Variants in DHX37 observed in about 807,000 individuals in gnomAD.
The protein encoded by DHX37 is DEAH-box helicase 37, also known as probable ATP-dependent RNA helicase DHX37.
Under a neutral mutation model 134.3 loss-of-function variants are expected in DHX37, and 52 were observed. The observed-to-expected ratio is 0.39, with a 90% CI of 0.31 to 0.49. The LOEUF (loss-of-function observed/expected upper bound fraction) is 0.49, where lower values mean the gene tolerates loss of function less well. Among genes scored for constraint, DHX37 ranks in the 20% least tolerant of loss-of-function variants. DHX37 has a pLI of 0.93. For missense variants in DHX37, 1,344 were observed against 1,580.8 expected, an observed-to-expected ratio of 0.85 and a Z score of 2.54; for synonymous variants, 634 against 670.7, an observed-to-expected ratio of 0.95 and a Z score of 0.85.
chr12:124,982,038 G>A (rs578160778), intron 3 of DHX37, among the ~76,000 whole-genome samples: 267 of 151,562 alleles, frequency 1.8e-3, no homozygotes, highest in African/African-American at 6.2e-3. Context: ...CAGGAGAATC[G>A]CTTGAACCTG....
At chr12:124,988,420 G>A (rs1326280280) in intron 1 of DHX37, among the ~76,000 whole-genome samples, 1 of 151,986 alleles carries the variant, frequency 6.6e-6, no homozygotes, top group Non-Finnish European at 1.5e-5. Context: ...TTTATTCTTT[G>A]CCTGTCTCCT....
intron 1 of DHX37, 76 bp downstream of exon 1, chr12:124,988,841 C>T (rs746851864): frequency 2.3e-4 from 218 of 950,552 alleles, no homozygotes; most frequent in Non-Finnish European, 3.0e-4. Context: ...GGATCCCCAC[C>T]CGAGAGTCCT....
rs747670710 is a variant in DHX37, at chr12:124,950,501, G to C, written c.3033C>G (p.Tyr1011Ter). The C allele has an allele frequency of 2.5e-6, 4 of 1,570,142 alleles. No homozygotes were observed. The highest frequency in any genetic ancestry group is 3.5e-6 in the Non-Finnish European group (4 of 1,158,712). ...VQWIPALLPSYCQFDKPLEEP... is the reference protein window; with the variant it reads ...VQWIPALLPS ...CCTCCAGGGGCTTGTCAAACTGGCAGTAAGAGGGCAGCAGGGCCGGGATCC... is the reference window on the plus strand; with the variant it reads ...CCTCCAGGGGCTTGTCAAACTGGCACTAAGAGGGCAGCAGGGCCGGGATCC... Residue 1011 changes from tyrosine to a stop codon, truncating the protein, a stop_gained, in exon 23 of 27, where the codon TAC becomes TAG. Transcript: ENST00000308736. LOFTEE classifies it high-confidence loss of function.
intron 2 of DHX37, among the ~76,000 whole-genome samples, chr12:124,983,366 G>C (rs1480283389): frequency 2.0e-5 from 3 of 150,352 alleles, no homozygotes; most frequent in Non-Finnish European, 3.0e-5. Flanking sequence ...CAAAGTTCTG[G>C]GATTACAAGC....
intron 2 of DHX37, among the ~76,000 whole-genome samples, chr12:124,983,227 G>A (rs1954790559): frequency 6.6e-6 from 1 of 151,960 alleles, no homozygotes. Context: ...TCCTGCCTCA[G>A]CCTCTCCAAG....
chr12:124,968,012 T>C (rs1375655785), intron 10 of DHX37, among the ~76,000 whole-genome samples: 1 of 150,970 alleles, frequency 6.6e-6, no homozygotes, highest in African/African-American at 2.4e-5. Flanking sequence ...ACCCGGGAGG[T>C]GGAGGTTGCA....
intron 21 of DHX37, among the ~76,000 whole-genome samples, 168 bp from the exon 22 acceptor site, chr12:124,950,972 C>T (rs1043757296): frequency 1.3e-5 from 2 of 152,152 alleles, no homozygotes; most frequent in Admixed American, 6.5e-5. Context: ...CTGATCCAGC[C>T]GTGAAAAGGA....
At chr12:124,959,377 T>C (rs1346011466) in intron 16 of DHX37, among the ~76,000 whole-genome samples, 1 of 138,902 alleles carries the variant, frequency 7.2e-6, no homozygotes, top group East Asian at 2.0e-4. Context: ...CCAGCCTCCC[T>C]GGCTAATTTT....
Position 124,947,607 on chromosome 12 carries a change from CCGGGCCAGATGGCA to C in DHX37, c.*181_*194del. 1.6e-6 allele frequency: 1 copy of C among 637,730 alleles called. No individual in the cohort carries two copies. 39.5% of individuals were successfully genotyped at this position (637,730 alleles called of 1,614,324 possible). A position where few individuals can be genotyped will look rare whatever the true frequency, so the allele number is the denominator to read the frequency against. On this transcript the variant is annotated 3_prime_UTR_variant, in exon 27 of 27. Coordinates refer to ENST00000308736, the MANE Select transcript of DHX37 (RefSeq NM_032656.4). ...TAATAAACAGTTCAAAAAGTCACCC[CCGGGCCAGATGGCA>C]CGGGCGGCAGCACCCTTCATACGGG...
chr12:124,988,796 T>TGGG (rs2135978510), intron 1 of DHX37, 121 bp downstream of exon 1: 8 of 482,224 alleles, frequency 1.7e-5, no homozygotes, highest in Non-Finnish European at 2.4e-5. Flanking sequence ...GGGGGACCCA[T>TGGG]TCCCCCATTC....
In DHX37 at chr12:124,980,295, C is replaced by T. The variant is rs978905427; in HGVS notation, c.738+195G>A. 3.9e-5 allele frequency among the ~76,000 whole-genome samples: 6 copies of T among 152,370 alleles called. No homozygotes were observed. The highest frequency in any genetic ancestry group is 1.9e-4 in the East Asian group (1 of 5,188). ...CCTGCCAGGCGTGCCGCCAGACACC[C>T]GCCCTGCACTGTGATCCTCCTCGCG... On this transcript the variant is annotated intron_variant, in intron 4 of 26. Coordinates refer to ENST00000308736, the MANE Select transcript of DHX37 (RefSeq NM_032656.4). This position sits in a 1 kb window ranked among gnomAD's most constrained non-coding sequence, Gnocchi z 5.3.
intron 15 of DHX37, among the ~76,000 whole-genome samples, chr12:124,963,878 CAAAAA>C (rs71092251): frequency 1.1e-5 from 1 of 91,664 alleles, no homozygotes; most frequent in Non-Finnish European, 2.5e-5. Context: ...AGACTCGTCT[CAAAAA>C]AAAAAAAAAA....
chr12:124,967,842 G>C (rs1954422278), intron 10 of DHX37, among the ~76,000 whole-genome samples: 1 of 152,142 alleles, frequency 6.6e-6, no homozygotes, highest in Admixed American at 6.5e-5. Context: ...GCTGAGGCAG[G>C]CAGCTCACCT....
chr12:124,965,578 C>A (rs1186877419), intron 13 of DHX37, 90 bp downstream of exon 13: 1 of 1,461,942 alleles, frequency 6.8e-7, no homozygotes. Context: ...GCTGCTAGAA[C>A]CCCGGCCCCC....
intron 22 of DHX37, 33 bp downstream of exon 22, chr12:124,950,657 G>A (rs757151866): frequency 1.5e-5 from 24 of 1,607,542 alleles, no homozygotes; most frequent in South Asian, 5.5e-5. Flanking sequence ...CGTCACCATC[G>A]GGGGACAAGG....
intron 15 of DHX37, among the ~76,000 whole-genome samples, chr12:124,964,055 C>T (rs889175868): frequency 5.9e-5 from 9 of 151,630 alleles, no homozygotes; most frequent in East Asian, 3.9e-4. Context: ...ATTAGCTGGG[C>T]GTGGTGGCGC....
At chr12:124,973,410 GAAAA>G (rs1164339877) in intron 6 of DHX37, among the ~76,000 whole-genome samples, 2 of 103,744 alleles carry the variant, frequency 1.9e-5, no homozygotes, top group Admixed American at 1.1e-4. Flanking sequence ...TCTCAAAAAA[GAAAA>G]AAAAAAAATT....
intron 18 of DHX37, among the ~76,000 whole-genome samples, chr12:124,956,007 T>G (rs906617435): frequency 6.6e-6 from 1 of 152,234 alleles, no homozygotes; most frequent in African/African-American, 2.4e-5. Context: ...CCTAACTGCC[T>G]TCCCAACTAG....
At chr12:124,950,917 A>T (rs984925632) in intron 21 of DHX37, 113 bp from the exon 22 acceptor site, 1 of 1,392,102 alleles carries the variant, frequency 7.2e-7, no homozygotes, top group African/African-American at 1.5e-5. Flanking sequence ...AAAGTGGGAG[A>T]GTGCTCCATC....
Sources: gnomAD v4.1 joint callset for allele counts (sites outside exome capture counted in the v4.1 genomes callset) on GRCh38, gnomAD v4.1.1 for gene constraint, Gnocchi (gnomAD v3.1) non-coding constraint, MANE v1.5 for transcripts, NCBI Gene and HGNC (gene_info 2026-07-23, HGNC 2026-07-21) for gene names.